Variants in BBX observed in about 807,000 individuals in gnomAD.
The protein encoded by BBX is BBX high mobility group box domain containing.
A neutral mutation model predicts 100.2 loss-of-function variants in BBX; 30 were observed. The observed-to-expected ratio is 0.30, with a 90% CI of 0.22 to 0.41. The LOEUF is 0.41. BBX is among the 10% of genes least tolerant of loss of function. BBX has a pLI of 1.00. For synonymous variants in BBX, 376 were observed against 388.1 expected (o/e 0.97, Z 0.37); for missense variants, 1,023 against 1,129.8 (o/e 0.91, Z 1.35).
At chr3:107,546,583 G>A (rs1355064624) in intron 2 of BBX, among the ~76,000 whole-genome samples, 4 of 152,090 alleles carry the variant, frequency 2.6e-5, no homozygotes, top group South Asian at 2.1e-4. Flanking sequence ...GTAGCCTGTC[G>A]TGAATTTTTA....
At chr3:107,712,790 G>C (rs1157610494) in intron 4 of BBX, among the ~76,000 whole-genome samples, 1 of 152,196 alleles carries the variant, frequency 6.6e-6, no homozygotes, top group Non-Finnish European at 1.5e-5. Context: ...CAGGGACTCT[G>C]TGTGCTCACT....
chr3:107,610,939 A>T, intron 2 of BBX, among the ~76,000 whole-genome samples: 2 of 149,228 alleles, frequency 1.3e-5, no homozygotes, highest in Non-Finnish European at 1.5e-5. Context: ...TTTTTCCCTT[A>T]CTTTTCGTCT....
At chr3:107,602,184 G>C (rs1054391399) in intron 2 of BBX, among the ~76,000 whole-genome samples, 1 of 152,202 alleles carries the variant, frequency 6.6e-6, no homozygotes, top group African/African-American at 2.4e-5. Flanking sequence ...AGTCACACAA[G>C]AGCTCTGATG....
At chr3:107,687,615 C>G (rs1181476102) in intron 3 of BBX, among the ~76,000 whole-genome samples, 2 of 152,122 alleles carry the variant, frequency 1.3e-5, no homozygotes, top group African/African-American at 4.8e-5. Context: ...TTGTCTTGAA[C>G]CGGCCTGACA....
intron 2 of BBX, among the ~76,000 whole-genome samples, chr3:107,598,378 G>C (rs1202627468): frequency 6.6e-6 from 1 of 152,164 alleles, no homozygotes; most frequent in Non-Finnish European, 1.5e-5. Context: ...GATCAGGAGT[G>C]ACACTTGAAC....
rs142029949 is a variant in BBX, at chr3:107,583,643, C to A, written c.-84+57245C>A. On this transcript the variant is annotated intron_variant, in intron 2 of 17. Coordinates refer to ENST00000325805, the MANE Select transcript of BBX (RefSeq NM_001142568.3). ...TACAATAAATTATTAACTATAATTT[C>A]TCTGATGTATTATCCAGTATTAGAA... is the stretch of plus-strand genomic sequence containing the variant. 7.8e-3 allele frequency among the ~76,000 whole-genome samples: 1,180 copies of A among 151,160 alleles called. 5 individuals are homozygous for A. The highest frequency in any genetic ancestry group is 0.014 in the Non-Finnish European group (953 of 67,688).
chr3:107,652,038 A>G (rs1197367335), intron 3 of BBX, among the ~76,000 whole-genome samples: 1 of 152,174 alleles, frequency 6.6e-6, no homozygotes, highest in Non-Finnish European at 1.5e-5. Context: ...CAATGTCTGT[A>G]TAGTACTTCT....
At chr3:107,592,728 C>A (rs534445314) in intron 2 of BBX, among the ~76,000 whole-genome samples, 1 of 152,234 alleles carries the variant, frequency 6.6e-6, no homozygotes, top group East Asian at 1.9e-4. Flanking sequence ...TGTTTAGATT[C>A]ATCAAATAGT....
chr3:107,649,304 A>T (rs557453056), intron 3 of BBX, among the ~76,000 whole-genome samples: 57 of 151,674 alleles, frequency 3.8e-4, no homozygotes, highest in Non-Finnish European at 7.4e-4. Flanking sequence ...TGCATATCTT[A>T]AAAAAAAATA....
intron 3 of BBX, among the ~76,000 whole-genome samples, chr3:107,679,774 C>T (rs536123127): frequency 1.3e-5 from 2 of 152,196 alleles, no homozygotes; most frequent in South Asian, 4.2e-4. Flanking sequence ...ATAAAAAAGC[C>T]CCTCTCATCT....
chr3:107,754,347 C>T (rs1199789651), intron 9 of BBX, among the ~76,000 whole-genome samples: 2 of 152,006 alleles, frequency 1.3e-5, no homozygotes, highest in African/African-American at 4.8e-5. Context: ...GAAAATTCGG[C>T]CAGAAGAAAA....
intron 2 of BBX, among the ~76,000 whole-genome samples, chr3:107,565,535 A>G (rs939756893): frequency 6.6e-6 from 1 of 151,142 alleles, no homozygotes; most frequent in Non-Finnish European, 1.5e-5. Context: ...CAGTGGCGCA[A>G]TCTCGGCTCA....
chr3:107,553,862 C>A (rs2049883379), intron 2 of BBX, among the ~76,000 whole-genome samples: 1 of 151,902 alleles, frequency 6.6e-6, no homozygotes, highest in South Asian at 2.1e-4. Context: ...ATCTTTAATT[C>A]CTGAGTACTT....
At chr3:107,562,167 C>T (rs78658409) in intron 2 of BBX, among the ~76,000 whole-genome samples, 19,351 of 151,974 alleles carry the variant, frequency 0.13, 1,445 homozygotes, top group Middle Eastern at 0.19. Flanking sequence ...TTGAAATAAA[C>T]GCAGCTGTGT....
intron 10 of BBX, among the ~76,000 whole-genome samples, chr3:107,770,820 T>A (rs1275631064): frequency 6.6e-6 from 1 of 152,156 alleles, no homozygotes; most frequent in East Asian, 1.9e-4. Context: ...CTTCCCAGAC[T>A]TACTAATCAT....
At chr3:107,596,973 C>T (rs191286052) in intron 2 of BBX, among the ~76,000 whole-genome samples, 1 of 152,082 alleles carries the variant, frequency 6.6e-6, no homozygotes, top group Non-Finnish European at 1.5e-5. Context: ...AGTACAGTGG[C>T]CTTTAAACTT....
At chr3:107,691,578 CA>C (rs2060172861) in intron 3 of BBX, among the ~76,000 whole-genome samples, 1 of 152,086 alleles carries the variant, frequency 6.6e-6, no homozygotes, top group South Asian at 2.1e-4. Context: ...AAGTATAAAA[CA>C]AACGGTTTTC....
chr3:107,765,059 C>A (rs1019437429), intron 10 of BBX, among the ~76,000 whole-genome samples: 1 of 152,136 alleles, frequency 6.6e-6, no homozygotes, highest in Admixed American at 6.5e-5. Context: ...AATATTTTTC[C>A]TCCAATGATA....
chr3:107,723,752 A>G (rs973939949), intron 5 of BBX, among the ~76,000 whole-genome samples: 1 of 152,016 alleles, frequency 6.6e-6, no homozygotes, highest in Non-Finnish European at 1.5e-5. Flanking sequence ...ATCCTTTTTT[A>G]TGGCTGCATA....
Sources: allele counts gnomAD v4.1 joint callset (sites outside exome capture counted in the v4.1 genomes callset), GRCh38; gene constraint gnomAD v4.1.1; transcripts MANE v1.5; gene names NCBI Gene and HGNC (gene_info 2026-07-23, HGNC 2026-07-21).